AGO3: variants seen among roughly 807,000 people sequenced by gnomAD.
The protein encoded by AGO3 is argonaute RISC catalytic component 3.
A neutral mutation model predicts 105.5 loss-of-function variants in AGO3; 16 were observed. The ratio of observed to expected loss-of-function variants is 0.15; its 90% CI spans 0.10 to 0.23. The LOEUF (loss-of-function observed/expected upper bound fraction) is 0.23. Among genes scored for constraint, AGO3 ranks in the 10% least tolerant of loss-of-function variants. The pLI is 1.00. For missense variants in AGO3, 534 were observed against 1,088.0 expected (o/e 0.49, Z 7.16); for synonymous variants, 340 against 367.3 (o/e 0.93, Z 0.85).
chr1:35,980,075 T>A (rs903225685), intron 5 of AGO3, among the ~76,000 whole-genome samples: 2 of 152,162 alleles, frequency 1.3e-5, no homozygotes, highest in African/African-American at 4.8e-5. Flanking sequence ...GGAAGATTTT[T>A]CCCCCCAGTG....
intron 1 of AGO3, among the ~76,000 whole-genome samples, chr1:35,935,755 A>G (rs1646135658): frequency 6.6e-6 from 1 of 152,242 alleles, no homozygotes; most frequent in African/African-American, 2.4e-5. Context: ...ATAGCCATCT[A>G]GTTTCACATC....
At chr1:35,951,743 T>A (rs1329211367) in intron 2 of AGO3, among the ~76,000 whole-genome samples, 1 of 152,210 alleles carries the variant, frequency 6.6e-6, no homozygotes, top group Non-Finnish European at 1.5e-5. Context: ...CAATTTTGGC[T>A]TTTTAAGTGG....
intron 5 of AGO3, among the ~76,000 whole-genome samples, chr1:35,995,524 A>C (rs1232383299): frequency 1.3e-5 from 2 of 152,108 alleles, no homozygotes; most frequent in Non-Finnish European, 2.9e-5. Context: ...CTTCTCAGTA[A>C]ATGATGTAAC....
At chr1:35,933,640 CAAAAAAAA>C (rs34254758) in intron 1 of AGO3, among the ~76,000 whole-genome samples, 51 of 31,430 alleles carry the variant, frequency 1.6e-3, no homozygotes, top group Admixed American at 5.5e-3. Context: ...GACCCTGTCT[CAAAAAAAA>C]AAAAAAAAAA....
intron 17 of AGO3, among the ~76,000 whole-genome samples, chr1:36,051,393 G>A (rs930391559): frequency 2.6e-5 from 4 of 152,190 alleles, no homozygotes; most frequent in African/African-American, 7.2e-5. Flanking sequence ...ACAGAATTCA[G>A]AGGGAAGTTT....
chr1:35,973,527 C>A lies in AGO3; in HGVS notation c.658+16C>A. 1 of 1,529,440 alleles carries A rather than the reference C, an allele frequency of 6.5e-7. No individual in the cohort carries two copies. The highest frequency in any genetic ancestry group is 8.9e-7 in the Non-Finnish European group (1 of 1,129,804). The allele number at this position is 1,529,440 out of a possible 1,614,324, so 94.7% of individuals were successfully genotyped here. Reference sequence around the variant, plus strand: ...AATATCGATGGTAAGGGAACTAAAGCCATATTCTGTATTGGGTGGTGGATT... The same window carrying A: ...AATATCGATGGTAAGGGAACTAAAGACATATTCTGTATTGGGTGGTGGATT... On this transcript the variant is annotated intron_variant, in intron 5 of 18. Transcript: ENST00000373191.
Position 36,039,833 on chromosome 1 carries a change from C to G in AGO3, c.1886C>G (p.Thr629Arg). 6.2e-7 allele frequency: 1 copy of G among 1,612,960 alleles called. No homozygotes were observed. ...MDAHPSRYCATVRVQRPRQEI... is the reference protein window; with the variant it reads ...MDAHPSRYCARVRVQRPRQEI... ...GCACACCCAAGCAGATACTGTGCCA[C>G]AGTAAGAGTTCAGAGACCCCGACAG... Residue 629 changes from threonine to arginine, a missense_variant, in exon 15 of 19, where the codon ACA (threonine) becomes AGA (arginine). Coordinates refer to ENST00000373191, the MANE Select transcript of AGO3 (RefSeq NM_024852.4).
intron 17 of AGO3, among the ~76,000 whole-genome samples, chr1:36,054,666 A>G (rs531355771): frequency 6.6e-6 from 1 of 152,190 alleles, no homozygotes; most frequent in African/African-American, 2.4e-5. Flanking sequence ...AGATCGTTTA[A>G]GGTCAGGAGT....
chr1:35,953,468 G>A (rs939138065), intron 2 of AGO3, among the ~76,000 whole-genome samples: 1 of 151,208 alleles, frequency 6.6e-6, no homozygotes, highest in East Asian at 1.9e-4. Context: ...CATTTTTCAT[G>A]TATTTATTGG....
intron 1 of AGO3, among the ~76,000 whole-genome samples, chr1:35,935,570 C>T (rs776175389): frequency 3.9e-5 from 6 of 152,166 alleles, no homozygotes; most frequent in South Asian, 4.1e-4. Context: ...GGGAACATTG[C>T]GTTTTTTAGT....
intron 17 of AGO3, among the ~76,000 whole-genome samples, chr1:36,046,117 TC>T (rs1642459098): frequency 6.6e-6 from 1 of 152,144 alleles, no homozygotes; most frequent in Admixed American, 6.5e-5. Context: ...TAGGCACTAA[TC>T]CCATCTTGGG....
Position 36,072,043 on chromosome 1 carries a change from T to G in AGO3, c.*16298T>G, listed in dbSNP as rs951939308. 2.6e-5 allele frequency: 4 copies of G among 152,190 alleles called. No homozygotes were observed. Among genetic ancestry groups the G allele is most frequent in the African/African-American group, 9.7e-5 (4 of 41,446 alleles). 9.4% of individuals were successfully genotyped at this position (152,190 alleles called of 1,614,324 possible). ...AATAAAGTTTTTGAACAAAAGTCCT[T>G]GTTTTCAGTATTTAAAATTTGGTAA... On this transcript the variant is annotated 3_prime_UTR_variant, in exon 19 of 19. Coordinates refer to ENST00000373191, the MANE Select transcript of AGO3 (RefSeq NM_024852.4).
At chr1:36,021,965 A>G (rs993322640) in intron 11 of AGO3, among the ~76,000 whole-genome samples, 1 of 152,040 alleles carries the variant, frequency 6.6e-6, no homozygotes, top group Non-Finnish European at 1.5e-5. Flanking sequence ...TTTTATAGAA[A>G]ATCTTTTAAA....
chr1:35,992,639 C>A (rs1384032368), intron 5 of AGO3, among the ~76,000 whole-genome samples: 1 of 152,136 alleles, frequency 6.6e-6, no homozygotes, highest in African/African-American at 2.4e-5. Flanking sequence ...GGGGCTTTGT[C>A]TGGTTTATCT....
At chr1:35,990,841 A>G (rs1569648250) in intron 5 of AGO3, among the ~76,000 whole-genome samples, 1 of 152,342 alleles carries the variant, frequency 6.6e-6, no homozygotes, top group Admixed American at 6.5e-5. Context: ...TAATATTCAA[A>G]TTAGTCCTTT....
chr1:35,966,836 A>G, intron 2 of AGO3, 119 bp from the exon 3 acceptor site: 1 of 1,178,522 alleles, frequency 8.5e-7, no homozygotes, highest in Non-Finnish European at 1.1e-6. Context: ...AATCTTTATC[A>G]TATATGAATA....
At chr1:36,023,667 T>A (rs568829764) in intron 11 of AGO3, among the ~76,000 whole-genome samples, 32 of 152,360 alleles carry the variant, frequency 2.1e-4, no homozygotes, top group Admixed American at 6.5e-4. Context: ...ACAGCTTGTT[T>A]ACACGTCCGG....
rs375507079 is a variant in AGO3, at chr1:35,941,819, C to T, written c.20-3873C>T. On this transcript the variant is annotated intron_variant, in intron 1 of 18. Transcript: ENST00000373191. ...ACGAGCCTGGGCAACATGGTGAAAC[C>T]CTGTCTCTACCAGAAATACAAAAAC... Among the ~76,000 whole-genome samples, 5 of 152,192 alleles carry T rather than the reference C, an allele frequency of 3.3e-5. No individual in the cohort carries two copies. In the South Asian group the frequency reaches 1.0e-3, roughly 32 times the overall value.
rs944049398 is a variant in AGO3, at chr1:36,070,656, T to A, written c.*14911T>A. 4 of 152,236 alleles carry A rather than the reference T, an allele frequency of 2.6e-5. No individual in the cohort carries two copies. Among genetic ancestry groups the A allele is most frequent in the African/African-American group, 9.6e-5 (4 of 41,464 alleles). 9.4% of individuals were successfully genotyped at this position (152,236 alleles called of 1,614,324 possible). On this transcript the variant is annotated 3_prime_UTR_variant, in exon 19 of 19. Coordinates refer to ENST00000373191, the MANE Select transcript of AGO3 (RefSeq NM_024852.4). Reference sequence around the variant, plus strand: ...CTCCCCTTGTTGCAGGCAGTTGGGCTTTTCCAACTCATTGCTAACAAAGCT... The same window carrying A: ...CTCCCCTTGTTGCAGGCAGTTGGGCATTTCCAACTCATTGCTAACAAAGCT...
Sources: gnomAD v4.1 joint callset for allele counts (sites outside exome capture counted in the v4.1 genomes callset) on GRCh38, gnomAD v4.1.1 for gene constraint, MANE v1.5 for transcripts, NCBI Gene and HGNC (gene_info 2026-07-23, HGNC 2026-07-21) for gene names.